Variants in PDLIM5 observed in about 807,000 individuals in gnomAD.
The protein encoded by PDLIM5 is PDZ and LIM domain protein 5.
A neutral mutation model predicts 64.2 loss-of-function variants in PDLIM5; 34 were observed. That is an observed-to-expected ratio of 0.53 (90% CI 0.40 to 0.71). The LOEUF is 0.71. PDLIM5 is among the 30% of genes least tolerant of loss of function. The pLI, the probability that PDLIM5 is intolerant of heterozygous loss-of-function variation, is 0.00. For synonymous variants in PDLIM5, 253 were observed against 269.1 expected, an observed-to-expected ratio of 0.94 and a Z score of 0.59; for missense variants, 683 against 733.6, an observed-to-expected ratio of 0.93 and a Z score of 0.80.
At chr4:94,514,139 T>C (rs988057325) in intron 2 of PDLIM5, among the ~76,000 whole-genome samples, 8 of 148,916 alleles carry the variant, frequency 5.4e-5, no homozygotes, top group Non-Finnish European at 8.9e-5. Context: ...TTTTCTTTTT[T>C]TTTTTTTTTT....
intron 7 of PDLIM5, among the ~76,000 whole-genome samples, chr4:94,596,577 A>G (rs1044390096): frequency 2.6e-5 from 4 of 152,014 alleles, no homozygotes; most frequent in African/African-American, 9.7e-5. Flanking sequence ...TCAAAAGTTA[A>G]TTAAGAGCAT....
chr4:94,457,847 C>T (rs1218210179), intron 2 of PDLIM5, among the ~76,000 whole-genome samples: 2 of 152,154 alleles, frequency 1.3e-5, no homozygotes, highest in Non-Finnish European at 2.9e-5. Context: ...GGATTTTGAA[C>T]ATACTGATTA....
In PDLIM5 at chr4:94,455,384, T is replaced by C. The variant is rs1452782703; in HGVS notation, c.96T>C (p.Ser32=). The change falls in exon 2 of 13, where the codon AGT becomes AGC. Residue 32 remains serine (S), a splice_region_variant and synonymous_variant. Coordinates refer to ENST00000317968, the MANE Select transcript of PDLIM5 (RefSeq NM_006457.5). ...KDFNMPLTIS[S]LKDGGKAAQA... The stretch of plus-strand genomic sequence containing the variant: ...TCAACATGCCTCTGACAATCTCTAG[T>C]GTAAGTAAACTTTACAAATTTTATT... The C allele has an allele frequency of 2.5e-6, 4 of 1,594,492 alleles. No individual in the cohort carries two copies. Among genetic ancestry groups the C allele is most frequent in the African/African-American group, 1.3e-5 (1 of 74,602 alleles).
intron 2 of PDLIM5, among the ~76,000 whole-genome samples, chr4:94,474,251 T>C (rs182346940): frequency 1.2e-4 from 18 of 152,230 alleles, no homozygotes; most frequent in African/African-American, 4.1e-4. Flanking sequence ...TTTTTTATTG[T>C]TGTTTTTGTT....
chr4:94,504,325 G>T (rs1343038077), intron 2 of PDLIM5, among the ~76,000 whole-genome samples: 1 of 150,986 alleles, frequency 6.6e-6, no homozygotes, highest in Non-Finnish European at 1.5e-5. Flanking sequence ...GTGTCACTCT[G>T]TCACCAGGTT....
chr4:94,631,914 G>A (rs968303643), intron 8 of PDLIM5, among the ~76,000 whole-genome samples: 16 of 152,134 alleles, frequency 1.1e-4, no homozygotes, highest in Non-Finnish European at 2.1e-4. Context: ...CTCAAATGTC[G>A]TCAATATGTT....
At chr4:94,570,589 G>C (rs1560710599) in intron 3 of PDLIM5, among the ~76,000 whole-genome samples, 1 of 152,170 alleles carries the variant, frequency 6.6e-6, no homozygotes, top group East Asian at 1.9e-4. Context: ...AAATGTTTAA[G>C]GTTTGAGTAT....
chr4:94,490,454 A>C (rs780261743), intron 2 of PDLIM5, among the ~76,000 whole-genome samples: 2 of 152,156 alleles, frequency 1.3e-5, no homozygotes, highest in African/African-American at 4.8e-5. Context: ...ATTTATTCAT[A>C]TTACTGAAAA....
At chr4:94,593,222 A>T (rs550477968) in intron 7 of PDLIM5, among the ~76,000 whole-genome samples, 1 of 152,340 alleles carries the variant, frequency 6.6e-6, no homozygotes, top group East Asian at 1.9e-4. Context: ...CTGTAAGTAA[A>T]GGCCTAGCAA....
chr4:94,456,807 T>G (rs1723413237), intron 2 of PDLIM5: 1 of 1,158,298 alleles, frequency 8.6e-7, no homozygotes, highest in Non-Finnish European at 1.1e-6. Flanking sequence ...TGTGCCAGTC[T>G]TACCAACAAA....
Position 94,610,215 on chromosome 4 carries a change from T to A in PDLIM5, c.921-7789T>A, listed in dbSNP as rs555759157. Reference sequence around the variant, plus strand: ...ATTCTTTCGAAGGTTTTCGAAACTTTTCTACCTTCTCTTCTCCTGCTAGAT... The same window carrying A: ...ATTCTTTCGAAGGTTTTCGAAACTTATCTACCTTCTCTTCTCCTGCTAGAT... On this transcript the variant is annotated intron_variant, in intron 7 of 12. Transcript: ENST00000317968. 5.3e-6 allele frequency: 8 copies of A among 1,522,520 alleles called. No homozygotes were observed. In the South Asian group the frequency reaches 9.6e-5, roughly 18 times the overall value. 94.3% of individuals were successfully genotyped at this position (1,522,520 alleles called of 1,614,324 possible). A position where few individuals can be genotyped will look rare whatever the true frequency, so the allele number is the denominator to read the frequency against.
chr4:94,617,983 G>C (rs751492620), intron 7 of PDLIM5, 21 bp from the exon 8 acceptor site: 1 of 1,417,782 alleles, frequency 7.1e-7, no homozygotes, highest in Admixed American at 2.5e-5. Flanking sequence ...CACCAAAGAT[G>C]TTTCTTTATT....
chr4:94,490,514 G>T (rs926506269), intron 2 of PDLIM5, among the ~76,000 whole-genome samples: 9 of 152,064 alleles, frequency 5.9e-5, no homozygotes, highest in African/African-American at 1.9e-4. Context: ...TTGGTTTGGT[G>T]ACTCGAAGGA....
intron 7 of PDLIM5, chr4:94,610,284 T>C: frequency 6.6e-7 from 1 of 1,517,608 alleles, no homozygotes; most frequent in Non-Finnish European, 8.8e-7. Context: ...CTGTGTCTGC[T>C]GTTATTGCTA....
chr4:94,481,831 G>A (rs1264715799), intron 2 of PDLIM5, among the ~76,000 whole-genome samples: 1 of 151,962 alleles, frequency 6.6e-6, no homozygotes, highest in African/African-American at 2.4e-5. Context: ...GGATGGTCTT[G>A]ATCTCCTGAC....
At chr4:94,649,909 G>C (rs1045593203) in intron 9 of PDLIM5, among the ~76,000 whole-genome samples, 1 of 152,114 alleles carries the variant, frequency 6.6e-6, no homozygotes, top group Non-Finnish European at 1.5e-5. Flanking sequence ...CATTTTACCT[G>C]TGCATTTATT....
intron 5 of PDLIM5, among the ~76,000 whole-genome samples, chr4:94,578,905 T>G (rs1479801377): frequency 6.6e-6 from 1 of 152,054 alleles, no homozygotes; most frequent in Admixed American, 6.6e-5. Context: ...TTAGGTTGTC[T>G]TTTTCCTGAA....
At chr4:94,620,202 C>T (rs184133690) in intron 8 of PDLIM5, among the ~76,000 whole-genome samples, 21 of 152,236 alleles carry the variant, frequency 1.4e-4, no homozygotes, top group Admixed American at 1.4e-3. Context: ...AATTTCTAGT[C>T]GTTCTTCATC....
chr4:94,650,515 G>T (rs532906234), intron 9 of PDLIM5, among the ~76,000 whole-genome samples: 1 of 152,130 alleles, frequency 6.6e-6, no homozygotes, highest in East Asian at 1.9e-4. Flanking sequence ...TTGTGGTTGG[G>T]CTTTGAAAAA....
Sources: gnomAD v4.1 joint callset for allele counts (sites outside exome capture counted in the v4.1 genomes callset) on GRCh38, gnomAD v4.1.1 for gene constraint, MANE v1.5 for transcripts, NCBI Gene and HGNC (gene_info 2026-07-23, HGNC 2026-07-21) for gene names.